The following DIS3L2 variants were observed in gnomAD, a reference collection of about 807,000 sequenced individuals.
The protein encoded by DIS3L2 is DIS3-like exonuclease 2.
DIS3L2 carries 34 observed loss-of-function variants against 97.5 expected under a neutral mutation model. The observed-to-expected ratio is 0.35, with a 90% CI of 0.27 to 0.46. DIS3L2 has a LOEUF of 0.46. DIS3L2 is among the 20% of genes least tolerant of loss of function. The pLI is 1.00. For synonymous variants in DIS3L2, 435 were observed against 445.2 expected, an observed-to-expected ratio of 0.98 and a Z score of 0.29; for missense variants, 1,038 against 1,146.0, an observed-to-expected ratio of 0.91 and a Z score of 1.36.
rs866350952 is a variant in DIS3L2, at chr2:232,325,847, G to A, written c.1740-3966G>A. 4.6e-5 allele frequency among the ~76,000 whole-genome samples: 7 copies of A among 152,318 alleles called. No homozygotes were observed. The highest frequency in any genetic ancestry group is 1.9e-4 in the East Asian group (1 of 5,184). On this transcript the variant is annotated intron_variant, in intron 14 of 20. Transcript: ENST00000325385. This position sits in a 1 kb window ranked among gnomAD's most constrained non-coding sequence, Gnocchi z 4.6. Reference sequence around the variant, plus strand: ...TGTGCCCCTGGTGCTGGGAGGAGTGGGGTGACACTAGGGCCAGTGCCCACA... The same window carrying A: ...TGTGCCCCTGGTGCTGGGAGGAGTGAGGTGACACTAGGGCCAGTGCCCACA...
chr2:232,209,190 G>A (rs180896190), intron 9 of DIS3L2, among the ~76,000 whole-genome samples: 450 of 152,240 alleles, frequency 3.0e-3, no homozygotes, highest in African/African-American at 9.9e-3. Flanking sequence ...ACTAGGAGTA[G>A]GGTAAGTGGA....
At chr2:232,088,935 A>G (rs1696751048) in intron 6 of DIS3L2, among the ~76,000 whole-genome samples, 1 of 152,206 alleles carries the variant, frequency 6.6e-6, no homozygotes, top group Admixed American at 6.5e-5. Context: ...CAGGCTGACT[A>G]GATAATGAGC....
chr2:232,096,079 G>T (rs1337013729), intron 6 of DIS3L2, among the ~76,000 whole-genome samples: 3 of 149,286 alleles, frequency 2.0e-5, no homozygotes, highest in South Asian at 2.1e-4. Flanking sequence ...ATGCCTTGGG[G>T]TAGTTGTCTT....
chr2:232,313,179 A>G (rs1228192200), intron 14 of DIS3L2, among the ~76,000 whole-genome samples: 1 of 152,214 alleles, frequency 6.6e-6, no homozygotes, highest in Non-Finnish European at 1.5e-5. Context: ...CTCAAACAGA[A>G]GAGTTTTTAC....
chr2:232,223,110 C>G (rs1439753758), intron 10 of DIS3L2, among the ~76,000 whole-genome samples: 1 of 152,192 alleles, frequency 6.6e-6, no homozygotes, highest in Non-Finnish European at 1.5e-5. Context: ...CAGCTTCCAG[C>G]TCTACTGATT....
At chr2:232,169,486 G>T (rs1385199709) in intron 9 of DIS3L2, among the ~76,000 whole-genome samples, 1 of 152,152 alleles carries the variant, frequency 6.6e-6, no homozygotes, top group Non-Finnish European at 1.5e-5. Context: ...CTGTAATATA[G>T]GTATGAACAG....
intron 6 of DIS3L2, among the ~76,000 whole-genome samples, chr2:232,122,229 T>A (rs1026578420): frequency 6.6e-6 from 1 of 152,212 alleles, no homozygotes; most frequent in East Asian, 1.9e-4. Flanking sequence ...TAACAATTAC[T>A]GAGTGCTTAC....
Position 232,269,625 on chromosome 2 carries a change from AG to A in DIS3L2, c.1659+6186del, listed in dbSNP as rs1197019741. Among the ~76,000 whole-genome samples, 1 of 152,124 alleles carries A rather than the reference AG, an allele frequency of 6.6e-6. No individual in the cohort carries two copies. Among genetic ancestry groups the A allele is most frequent in the African/African-American group, 2.4e-5 (1 of 41,420 alleles). On this transcript the variant is annotated intron_variant, in intron 13 of 20. Transcript: ENST00000325385. This position sits in a 1 kb window ranked among gnomAD's most constrained non-coding sequence, Gnocchi z 4.5. ...GGTTCAGGGAAGATTTTCCAGCAGA[AG>A]TAGTGGGGCATTAGGCCTTCTAAAA...
At chr2:232,199,041 A>G (rs1466957966) in intron 9 of DIS3L2, among the ~76,000 whole-genome samples, 1 of 152,122 alleles carries the variant, frequency 6.6e-6, no homozygotes, top group Non-Finnish European at 1.5e-5. Flanking sequence ...TCTGTTCTCA[A>G]ATGTGTCCCA....
chr2:232,146,463 G>A (rs1187141104), intron 8 of DIS3L2, among the ~76,000 whole-genome samples: 1 of 152,186 alleles, frequency 6.6e-6, no homozygotes, highest in Non-Finnish European at 1.5e-5. Context: ...CAAAGGTTGT[G>A]CAGCTGCAGA....
At chr2:232,134,786 C>T (rs569330730) in intron 7 of DIS3L2, among the ~76,000 whole-genome samples, 1 of 151,972 alleles carries the variant, frequency 6.6e-6, no homozygotes, top group South Asian at 2.1e-4. Flanking sequence ...GAGCCAAGAT[C>T]ACACCACTGC....
At chr2:232,307,675 A>G (rs1179326333) in intron 14 of DIS3L2, 2 of 152,240 alleles carry the variant, frequency 1.3e-5, no homozygotes, top group Admixed American at 6.5e-5. Flanking sequence ...GGGAGCTACC[A>G]TCTTCTGAGT....
intron 8 of DIS3L2, among the ~76,000 whole-genome samples, chr2:232,154,845 A>T (rs993170948): frequency 2.2e-5 from 2 of 91,588 alleles, no homozygotes; most frequent in African/African-American, 8.9e-5. Flanking sequence ...CTGTGCTAGC[A>T]ATCAGCGAGA....
At chr2:232,161,554 T>TC (rs1334688325) in intron 8 of DIS3L2, among the ~76,000 whole-genome samples, 1 of 152,214 alleles carries the variant, frequency 6.6e-6, no homozygotes, top group Non-Finnish European at 1.5e-5. Flanking sequence ...CGCTGCAACC[T>TC]CCATTTCCTG....
intron 13 of DIS3L2, among the ~76,000 whole-genome samples, chr2:232,270,867 T>TCTCC (rs1249898920): frequency 3.5e-3 from 108 of 31,266 alleles, no homozygotes; most frequent in Admixed American, 0.016. Context: ...CTCGTCTCTC[T>TCTCC]CTCTCTCTCT....
chr2:232,005,239 T>C (rs1208307830), intron 1 of DIS3L2, among the ~76,000 whole-genome samples: 1 of 151,078 alleles, frequency 6.6e-6, no homozygotes, highest in Non-Finnish European at 1.5e-5. Flanking sequence ...AGATTGCGTC[T>C]TGTCTCCTGT....
At chr2:231,993,886 AT>A (rs1693653646) in intron 1 of DIS3L2, among the ~76,000 whole-genome samples, 1 of 152,116 alleles carries the variant, frequency 6.6e-6, no homozygotes, top group Non-Finnish European at 1.5e-5. Flanking sequence ...AATGAAAAAA[AT>A]AACAATTTAT....
rs543616006 is a variant in DIS3L2, at chr2:232,042,773, G to C, written c.366+12693G>C. The stretch of plus-strand genomic sequence containing the variant: ...TGGAAACTCCTAATTAATATTTCAG[G>C]GTTATTTTCTAGAAAACTAATTTAT... On this transcript the variant is annotated intron_variant, in intron 5 of 20. Coordinates refer to ENST00000325385, the MANE Select transcript of DIS3L2 (RefSeq NM_152383.5). 3.9e-5 allele frequency among the ~76,000 whole-genome samples: 6 copies of C among 152,248 alleles called. No individual in the cohort carries two copies. In the South Asian group the frequency reaches 1.2e-3, roughly 32 times the overall value.
rs900832770 is a variant in DIS3L2, at chr2:232,293,002, C to T, written c.1660-7038C>T. Among the ~76,000 whole-genome samples the T allele has an allele frequency of 6.6e-6, 1 of 152,172 alleles. No homozygotes were observed. Among genetic ancestry groups the T allele is most frequent in the Non-Finnish European group, 1.5e-5 (1 of 68,046 alleles). On this transcript the variant is annotated intron_variant, in intron 13 of 20. Transcript: ENST00000325385. This position sits in a 1 kb window ranked among gnomAD's most constrained non-coding sequence, Gnocchi z 4.6. ...GCAGCTGCCTCTGGAGAGAGAAAGA[C>T]CTTGTGAAGTCTGAGTGGCTGCCAT...
Sources: gnomAD v4.1 joint callset for allele counts (sites outside exome capture counted in the v4.1 genomes callset) on GRCh38, gnomAD v4.1.1 for gene constraint, Gnocchi (gnomAD v3.1) non-coding constraint, MANE v1.5 for transcripts, NCBI Gene and HGNC (gene_info 2026-07-23, HGNC 2026-07-21) for gene names.